Variants in QTRT2 observed in about 807,000 individuals in gnomAD.
QTRT2 encodes the protein queuine tRNA-ribosyltransferase accessory subunit 2, also known as queuine tRNA-ribosyltransferase domain containing 1.
QTRT2 carries 32 observed loss-of-function variants against 44.8 expected under a neutral mutation model. That is an observed-to-expected ratio of 0.71 (90% CI 0.54 to 0.96). The LOEUF (loss-of-function observed/expected upper bound fraction) is 0.96, where lower values mean the gene tolerates loss of function less well. Among genes scored for constraint, QTRT2 ranks in the 40% least tolerant of loss-of-function variants. The probability of loss-of-function intolerance (pLI) is 0.00; values close to 1 mark genes in which losing one functional copy is unlikely to be tolerated. For synonymous variants in QTRT2, 182 were observed against 187.4 expected (o/e 0.97, Z 0.24); for missense variants, 461 against 503.1 (o/e 0.92, Z 0.80).
Position 114,085,658 on chromosome 3 carries a change from T to G in QTRT2, c.1017-15T>G. On this transcript the variant is annotated splice_polypyrimidine_tract_variant and intron_variant, in intron 9 of 9. Coordinates refer to ENST00000281273, the MANE Select transcript of QTRT2 (RefSeq NM_024638.4). ...TTCCGTACTTTCTGGAATGTCACTG[T>G]GACTTCTTTCTTAGGTACCAGGAGG... 1 of 1,604,556 alleles carries G rather than the reference T, an allele frequency of 6.2e-7. No homozygotes were observed. Among genetic ancestry groups the G allele is most frequent in the Non-Finnish European group, 8.5e-7 (1 of 1,171,206 alleles).
chr3:114,071,910 T>C (rs2077029498), intron 6 of QTRT2, among the ~76,000 whole-genome samples: 1 of 152,204 alleles, frequency 6.6e-6, no homozygotes, highest in African/African-American at 2.4e-5. Flanking sequence ...TTACATGGCA[T>C]GGACAGCCTG....
At chr3:114,059,113 G>A (rs1482086521) in intron 2 of QTRT2, among the ~76,000 whole-genome samples, 2 of 152,258 alleles carry the variant, frequency 1.3e-5, no homozygotes, top group African/African-American at 2.4e-5. Context: ...TAAATGAAGA[G>A]TGGAGGTGGT....
At chr3:114,071,974 G>T (rs571108492) in intron 6 of QTRT2, among the ~76,000 whole-genome samples, 2 of 152,144 alleles carry the variant, frequency 1.3e-5, no homozygotes, top group African/African-American at 2.4e-5. Flanking sequence ...ACTTTTTCCT[G>T]TGACTTGCAC....
intron 5 of QTRT2, among the ~76,000 whole-genome samples, chr3:114,069,198 A>G (rs2076992700): frequency 6.6e-6 from 1 of 152,164 alleles, no homozygotes; most frequent in Non-Finnish European, 1.5e-5. Flanking sequence ...TTGATCTGAG[A>G]AGAGGGATCT....
At position 114,082,752 on chromosome 3, in the gene QTRT2, A is replaced by C. The variant is rs749500623; in HGVS notation, c.974A>C (p.Asn325Thr). 6.6e-7 allele frequency: 1 copy of C among 1,512,868 alleles called. No individual in the cohort carries two copies. Among genetic ancestry groups the C allele is most frequent in the Non-Finnish European group, 9.0e-7 (1 of 1,105,636 alleles). The allele number at this position is 1,512,868 out of a possible 1,614,324, so 93.7% of individuals were successfully genotyped here. A position where few individuals can be genotyped will look rare whatever the true frequency, so the allele number is the denominator to read the frequency against. Residue 325 changes from asparagine to threonine, a missense_variant, in exon 9 of 10, where the codon AAC (asparagine) becomes ACC (threonine). By Grantham distance (65) the Asn-to-Thr change is moderately conservative. Coordinates refer to ENST00000281273, the MANE Select transcript of QTRT2 (RefSeq NM_024638.4). ...AAGAAAATTGAAACAACTGGTTGCAACCAAGAAATAACATCATTTGAAATT... is the reference window on the plus strand; with the variant it reads ...AAGAAAATTGAAACAACTGGTTGCACCCAAGAAATAACATCATTTGAAATT... Reference protein sequence around the residue: ...QIKKIETTGCNQEITSFEINL... With the variant: ...QIKKIETTGCTQEITSFEINL...
At position 114,062,182 on chromosome 3, in the gene QTRT2, G is replaced by A. The variant is rs932096321; in HGVS notation, c.-21-3055G>A. ...GGAGTTTGAGACCAGCCTGGGCAAC[G>A]TAGTGAGACTCCATCTCTCCAAAAA... is the stretch of plus-strand genomic sequence containing the variant. On this transcript the variant is annotated intron_variant, in intron 2 of 9. Coordinates refer to ENST00000281273, the MANE Select transcript of QTRT2 (RefSeq NM_024638.4). Among the ~76,000 whole-genome samples, 13 of 151,676 alleles carry A rather than the reference G, an allele frequency of 8.6e-5. 1 individual carries two copies. Among genetic ancestry groups the A allele is most frequent in the South Asian group, 2.1e-4 (1 of 4,812 alleles).
intron 2 of QTRT2, 54 bp from the exon 3 acceptor site, chr3:114,065,183 T>C: frequency 8.0e-7 from 1 of 1,248,590 alleles, no homozygotes; most frequent in South Asian, 1.3e-5. Flanking sequence ...GCAAAATGCT[T>C]GGCCTCTAGG....
At chr3:114,070,449 T>C (rs1213681975) in intron 5 of QTRT2, among the ~76,000 whole-genome samples, 177 bp from the exon 6 acceptor site, 1 of 152,136 alleles carries the variant, frequency 6.6e-6, no homozygotes, top group Non-Finnish European at 1.5e-5. Context: ...AGTTGTCTTA[T>C]ATGACCACTG....
rs2077258870 is a variant in QTRT2, at chr3:114,087,968, G to A, written c.*2064G>A. 1 of 152,096 alleles carries A rather than the reference G, an allele frequency of 6.6e-6. No individual in the cohort carries two copies. Among genetic ancestry groups the A allele is most frequent in the South Asian group, 2.1e-4 (1 of 4,832 alleles). The allele number at this position is 152,096 out of a possible 1,614,324, so 9.4% of individuals were successfully genotyped here. A position where few individuals can be genotyped will look rare whatever the true frequency, so the allele number is the denominator to read the frequency against. ...GTCAAATTATATTACCCATCTACAT[G>A]GTTTTCTTTTTCTTAGTATGGGAGT... On this transcript the variant is annotated 3_prime_UTR_variant, in exon 10 of 10. Coordinates refer to ENST00000281273, the MANE Select transcript of QTRT2 (RefSeq NM_024638.4).
intron 2 of QTRT2, among the ~76,000 whole-genome samples, chr3:114,064,689 C>T (rs942285566): frequency 3.9e-5 from 6 of 152,048 alleles, no homozygotes; most frequent in Non-Finnish European, 8.8e-5. Context: ...GGAAATAATC[C>T]GACCTCAGAG....
chr3:114,081,499 G>A (rs1342197592), intron 8 of QTRT2, among the ~76,000 whole-genome samples: 1 of 152,182 alleles, frequency 6.6e-6, no homozygotes, highest in Non-Finnish European at 1.5e-5. Context: ...CCTTTGAACT[G>A]CTTGGTAAAG....
At chr3:114,083,821 T>A (rs2077199179) in intron 9 of QTRT2, among the ~76,000 whole-genome samples, 1 of 152,196 alleles carries the variant, frequency 6.6e-6, no homozygotes, top group East Asian at 1.9e-4. Flanking sequence ...TAGATTTGTT[T>A]TTGTCTTTCT....
intron 2 of QTRT2, among the ~76,000 whole-genome samples, chr3:114,062,471 G>C (rs2076901407): frequency 6.6e-6 from 1 of 151,974 alleles, no homozygotes; most frequent in African/African-American, 2.4e-5. Flanking sequence ...GTCTCAGACT[G>C]ATTACAATAA....
intron 2 of QTRT2, among the ~76,000 whole-genome samples, chr3:114,060,496 G>GTAGGTAGATAGA (rs74776205): frequency 7.2e-4 from 104 of 144,534 alleles, no homozygotes; most frequent in African/African-American, 2.4e-3. Flanking sequence ...AGGTAGGTAG[G>GTAGGTAGATAGA]TAGATAGATA....
Position 114,086,194 on chromosome 3 carries a change from T to A in QTRT2, c.*290T>A. 2.8e-6 allele frequency: 1 copy of A among 362,752 alleles called. No homozygotes were observed. The highest frequency in any genetic ancestry group is 5.3e-6 in the Non-Finnish European group (1 of 188,980). The allele number at this position is 362,752 out of a possible 1,614,324, so 22.5% of individuals were successfully genotyped here. A position where few individuals can be genotyped will look rare whatever the true frequency, so the allele number is the denominator to read the frequency against. On this transcript the variant is annotated 3_prime_UTR_variant, in exon 10 of 10. Transcript: ENST00000281273. ...TTTAGTCAAAGACAAAAGCTTTAAC[T>A]GTGAGGGCACAGCCTTGAAGTGGGA...
chr3:114,059,406 A>G (rs1187000145), intron 2 of QTRT2, among the ~76,000 whole-genome samples: 2 of 152,250 alleles, frequency 1.3e-5, no homozygotes, highest in Non-Finnish European at 2.9e-5. Flanking sequence ...TTGGCAAAAA[A>G]GGAAATAATC....
rs140599908 is a variant in QTRT2 at position 114,081,153 on chromosome 3, A to G, written c.898+1096A>G. Among the ~76,000 whole-genome samples the G allele has an allele frequency of 9.6e-4, 147 of 152,354 alleles. 4 individuals are homozygous for G. The East Asian group carries it at 0.016, about 16-fold the overall frequency. ...ATTTGAGTTCTCTGTAAAGAACAAG[A>G]TCATTTTTGGCCAGAGAAAGCCAAA... On this transcript the variant is annotated intron_variant, in intron 8 of 9. Coordinates refer to ENST00000281273, the MANE Select transcript of QTRT2 (RefSeq NM_024638.4).
intron 4 of QTRT2, among the ~76,000 whole-genome samples, chr3:114,066,717 G>A (rs1295871493): frequency 6.6e-6 from 1 of 152,182 alleles, no homozygotes; most frequent in African/African-American, 2.4e-5. Context: ...GGTCAAGGAA[G>A]AGTAAAAGTT....
At chr3:114,060,397 G>A (rs548786698) in intron 2 of QTRT2, among the ~76,000 whole-genome samples, 15 of 152,192 alleles carry the variant, frequency 9.9e-5, no homozygotes, top group Admixed American at 2.0e-4. Flanking sequence ...GGTCATCTTC[G>A]CTTATCTGTG....
Sources: gnomAD v4.1 joint callset for allele counts (sites outside exome capture counted in the v4.1 genomes callset) on GRCh38, gnomAD v4.1.1 for gene constraint, MANE v1.5 for transcripts, NCBI Gene and HGNC (gene_info 2026-07-23, HGNC 2026-07-21) for gene names.